Variants in NOS3 observed in about 807,000 individuals in gnomAD.
The protein encoded by NOS3 is NOS type III.
A neutral mutation model predicts 144.9 loss-of-function variants in NOS3; 98 were observed. That is an observed-to-expected ratio of 0.68 (90% CI 0.57 to 0.80). The LOEUF (loss-of-function observed/expected upper bound fraction) is 0.80. Ranked by LOEUF, NOS3 falls within the 30% of genes least tolerant of loss-of-function variation. The pLI is 0.00. For missense variants in NOS3, 1,465 were observed against 1,656.4 expected, an observed-to-expected ratio of 0.88 and a Z score of 2.01; for synonymous variants, 714 against 702.4, an observed-to-expected ratio of 1.02 and a Z score of -0.26.
rs1338022204 is a variant in NOS3 at position 151,006,976 on chromosome 7, A to C, written c.1908A>C (p.Thr636=). 1.2e-6 allele frequency: 2 copies of C among 1,614,148 alleles called. No individual in the cohort carries two copies. The highest frequency in any genetic ancestry group is 1.7e-6 in the Non-Finnish European group (2 of 1,180,000). ...WRRKRKESSN[T]DSAGALGTLR... ...GGAAGAGGAAGGAGTCCAGTAACAC[A>C]GACAGTGCAGGGGCCCTGGGCACCC... The change falls in exon 16 of 27, where the codon ACA becomes ACC. Residue 636 remains threonine (T), a synonymous_variant. Transcript: ENST00000297494.
At position 150,999,208 on chromosome 7, in the gene NOS3, C is replaced by T; in HGVS notation, c.975C>T (p.Ala325=). 6.2e-7 allele frequency: 1 copy of T among 1,609,760 alleles called. No homozygotes were observed. The highest frequency in any genetic ancestry group is 8.5e-7 in the Non-Finnish European group (1 of 1,178,794). The part of the protein sequence containing the change: ...LEHPTLEWFA[A]LGLRWYALPA... ...CCCCCAGGCTGGAGTGGTTTGCAGC[C>T]CTGGGCCTGCGCTGGTACGCCCTCC... is the stretch of plus-strand genomic sequence containing the variant. Residue 325 remains alanine, a synonymous_variant, in exon 9 of 27, where the codon GCC becomes GCT. Transcript: ENST00000297494.
rs370745212 is a variant in NOS3, at chr7:151,000,581, C to G, written c.1215C>G (p.Ala405=). 9.9e-6 allele frequency: 16 copies of G among 1,612,514 alleles called. No homozygotes were observed. Among genetic ancestry groups the G allele is most frequent in the African/African-American group, 6.7e-5 (5 of 74,906 alleles). The change falls in exon 10 of 27, where the codon GCC becomes GCG. Residue 405 remains alanine, a synonymous_variant. Coordinates refer to ENST00000297494, the MANE Select transcript of NOS3 (RefSeq NM_000603.5). ...KDKAAVEINV[A]VLHSYQLAKV... ...AGGCAGCAGTGGAAATCAACGTGGC[C>G]GTGCTGCACAGTTACCAGGTGCAGA...
At chr7:151,008,427 G>A (rs1795238964) in intron 17 of NOS3, among the ~76,000 whole-genome samples, 1 of 152,186 alleles carries the variant, frequency 6.6e-6, no homozygotes, top group Admixed American at 6.5e-5. Context: ...GATCTGCCCC[G>A]TGGGGTCCCC....
rs772146460 is a variant in NOS3, at chr7:150,999,234, C to T, written c.1001C>T (p.Pro334Leu). 12 of 1,611,592 alleles carry T rather than the reference C, an allele frequency of 7.4e-6. No homozygotes were observed. The highest frequency in any genetic ancestry group is 2.7e-5 in the African/African-American group (2 of 74,904). ...AALGLRWYAL[P>L]AVSNMLLEIG... ...CTGGGCCTGCGCTGGTACGCCCTCCCGGCAGTGTCCAACATGCTGCTGGAA... is the reference window on the plus strand; with the variant it reads ...CTGGGCCTGCGCTGGTACGCCCTCCTGGCAGTGTCCAACATGCTGCTGGAA... Residue 334 changes from proline (P) to leucine (L), a missense_variant, in exon 9 of 27, where the codon CCG becomes CTG. Coordinates refer to ENST00000297494, the MANE Select transcript of NOS3 (RefSeq NM_000603.5).
In NOS3 at chr7:151,001,228, C is replaced by A; in HGVS notation, c.1234-3C>A. ...AGCCTCTCCCCCTCTCTCTCCCTTC[C>A]AGCTAGCCAAAGTCACCATCGTGGA... On this transcript the variant is annotated splice_polypyrimidine_tract_variant and splice_region_variant and intron_variant, in intron 10 of 26. Coordinates refer to ENST00000297494, the MANE Select transcript of NOS3 (RefSeq NM_000603.5). 6.2e-7 allele frequency: 1 copy of A among 1,612,748 alleles called. No homozygotes were observed. The highest frequency in any genetic ancestry group is 1.7e-4 in the Middle Eastern group (1 of 6,012).
At chr7:151,012,305 G>T in intron 23 of NOS3, 46 bp from the exon 24 acceptor site, 1 of 1,518,226 alleles carries the variant, frequency 6.6e-7, no homozygotes, top group South Asian at 1.2e-5. Context: ...GAGAATGGTG[G>T]AGCAGGAAAG....
In NOS3 at chr7:151,009,079, C is replaced by T. The variant is rs780507757; in HGVS notation, c.2245+17C>T. 18 of 1,612,906 alleles carry T rather than the reference C, an allele frequency of 1.1e-5. No individual in the cohort carries two copies. The Admixed American group carries it at 2.5e-4, about 22-fold the overall frequency. On this transcript the variant is annotated intron_variant, in intron 18 of 26. Transcript: ENST00000297494. ...TGCTGCCAGGTGGGCCCTGCCCTCA[C>T]CCTAACCCGGCTGGTTCTCTGAGGC... is the stretch of plus-strand genomic sequence containing the variant.
rs906557934 is a variant in NOS3, at chr7:151,003,345, C to G, written c.1752+1041C>G. 2.1e-6 allele frequency: 2 copies of G among 949,690 alleles called. No individual in the cohort carries two copies. Among genetic ancestry groups the G allele is most frequent in the African/African-American group, 3.4e-5 (2 of 59,338 alleles). The allele number at this position is 949,690 out of a possible 1,614,324, so 58.8% of individuals were successfully genotyped here. On this transcript the variant is annotated intron_variant, in intron 14 of 26. Transcript: ENST00000297494. This position sits in a 1 kb window ranked among gnomAD's most constrained non-coding sequence, Gnocchi z 4.1. ...TTCGCCATGTTGCCCAGGCTGGTCTCTAACTCCTGGGTTCAAGCAATCCAC... is the reference window on the plus strand; with the variant it reads ...TTCGCCATGTTGCCCAGGCTGGTCTGTAACTCCTGGGTTCAAGCAATCCAC...
At position 150,998,654 on chromosome 7, in the gene NOS3, G is replaced by T; in HGVS notation, c.790G>T (p.Asp264Tyr). ...YRQQDGSVRG[D>Y]PANVEITELC... The stretch of plus-strand genomic sequence containing the variant: ...GCAGCAGGATGGCTCTGTGCGGGGG[G>T]ACCCAGCCAACGTGGAGATCACCGA... The change falls in exon 7 of 27, where the codon GAC (aspartate) becomes TAC (tyrosine). Residue 264 changes from aspartate (D) to tyrosine (Y), a missense_variant. Asp to Tyr is a radical substitution (Grantham distance 160). Transcript: ENST00000297494. The surrounding 1 kb of genome is among the most constrained non-coding windows in gnomAD (Gnocchi z 5.0). 1 of 1,608,116 alleles carries T rather than the reference G, an allele frequency of 6.2e-7. No homozygotes were observed. The highest frequency in any genetic ancestry group is 8.5e-7 in the Non-Finnish European group (1 of 1,178,590).
chr7:150,999,435 C>T (rs1169992847), intron 9 of NOS3, 71 bp downstream of exon 9: 2 of 1,463,184 alleles, frequency 1.4e-6, no homozygotes, highest in African/African-American at 2.8e-5. Flanking sequence ...TCACTCCATC[C>T]CCAAAATGCC....
Position 151,011,451 on chromosome 7 carries a change from G to A in NOS3, c.2984+465G>A, listed in dbSNP as rs1356022002. 2.7e-5 allele frequency among the ~76,000 whole-genome samples: 4 copies of A among 147,874 alleles called. 1 individual carries two copies. In the South Asian group the frequency reaches 6.5e-4, roughly 24 times the overall value. Reference sequence around the variant, plus strand: ...CCCAGAGATGGAGTCTTGCTCTGTCGCCCAGGCTGGAGTGCAGTGGTACGA... The same window carrying A: ...CCCAGAGATGGAGTCTTGCTCTGTCACCCAGGCTGGAGTGCAGTGGTACGA... On this transcript the variant is annotated intron_variant, in intron 23 of 26. Transcript: ENST00000297494.
rs781665959 is a variant in NOS3, at chr7:151,001,335, C to T, written c.1338C>T (p.Ala446=). 1 of 1,613,596 alleles carries T rather than the reference C, an allele frequency of 6.2e-7. No homozygotes were observed. The highest frequency in any genetic ancestry group is 1.7e-5 in the Admixed American group (1 of 59,996). ...GGGGGGGCTGCCCTGCAGACTGGGCCTGGATCGTGCCCCCCATCTCGGGCA... is the reference window on the plus strand; with the variant it reads ...GGGGGGGCTGCCCTGCAGACTGGGCTTGGATCGTGCCCCCCATCTCGGGCA... ...KARGGCPADW[A]WIVPPISGSL... Residue 446 remains alanine (A), a synonymous_variant, in exon 11 of 27, where the codon GCC becomes GCT. Transcript: ENST00000297494.
intron 21 of NOS3, 117 bp downstream of exon 21, chr7:151,010,404 A>C: frequency 9.2e-7 from 1 of 1,087,948 alleles, no homozygotes; most frequent in Non-Finnish European, 1.3e-6. Flanking sequence ...CCTGGCCGAC[A>C]TGCACTGGTG....
chr7:150,994,109 A>T, intron 2 of NOS3, 148 bp downstream of exon 2: 1 of 862,516 alleles, frequency 1.2e-6, no homozygotes, highest in South Asian at 1.7e-5. Context: ...AGAACAGGAC[A>T]GTCTGGGAGG....
rs1795165560 is a variant in NOS3 at position 151,003,825 on chromosome 7, C to T, written c.1752+1521C>T. On this transcript the variant is annotated intron_variant, in intron 14 of 26. Transcript: ENST00000297494. The surrounding 1 kb of genome is among the most constrained non-coding windows in gnomAD (Gnocchi z 4.1). ...TTTCACTCATTCTGCTGCTGAGTGC[C>T]GTTCATTGTGTGAATATCCCCAGTT... 3 of 435,402 alleles carry T rather than the reference C, an allele frequency of 6.9e-6. No individual in the cohort carries two copies. The highest frequency in any genetic ancestry group is 1.7e-5 in the South Asian group (1 of 60,336). The allele number at this position is 435,402 out of a possible 1,614,324, so 27.0% of individuals were successfully genotyped here. A position where few individuals can be genotyped will look rare whatever the true frequency, so the allele number is the denominator to read the frequency against.
chr7:150,997,012 G>A, intron 5 of NOS3, 87 bp downstream of exon 5: 1 of 1,427,300 alleles, frequency 7.0e-7, no homozygotes, highest in Non-Finnish European at 9.4e-7. Context: ...CCCGGGGGCT[G>A]GGAGGTCCCA....
chr7:151,010,056 C>T lies in NOS3; in HGVS notation c.2513-59C>T, dbSNP rs1584911503. The T allele has an allele frequency of 4.7e-6, 5 of 1,070,396 alleles. No homozygotes were observed. In the Admixed American group the frequency reaches 5.8e-5, roughly 12 times the overall value. The allele number at this position is 1,070,396 out of a possible 1,614,324, so 66.3% of individuals were successfully genotyped here. A position where few individuals can be genotyped will look rare whatever the true frequency, so the allele number is the denominator to read the frequency against. ...ACAGTCACCAAAACACAAACATCAG[C>T]CCAGGTACTGCAGTCCTGCTGGGCC... On this transcript the variant is annotated intron_variant, in intron 20 of 26. Coordinates refer to ENST00000297494, the MANE Select transcript of NOS3 (RefSeq NM_000603.5).
rs1296448584 is a variant in NOS3, at chr7:150,993,081, T to C, written c.-51-672T>C. Among the ~76,000 whole-genome samples the C allele has an allele frequency of 6.6e-6, 1 of 152,182 alleles. No individual in the cohort carries two copies. On this transcript the variant is annotated intron_variant, in intron 1 of 26. Transcript: ENST00000297494. This position sits in a 1 kb window ranked among gnomAD's most constrained non-coding sequence, Gnocchi z 4.0. ...AATGACAGGGTGGGGGTGGAGGCAC[T>C]GGAAGGCAGCTTCCTGCTCTTTTGT...
intron 20 of NOS3, 88 bp downstream of exon 20, chr7:151,009,673 G>A (rs540311646): frequency 4.1e-6 from 5 of 1,206,302 alleles, no homozygotes; most frequent in Admixed American, 2.8e-5. Flanking sequence ...CTCAGGACCC[G>A]ACCCAGGGGG....
Sources: gnomAD v4.1 joint callset for allele counts (sites outside exome capture counted in the v4.1 genomes callset) on GRCh38, gnomAD v4.1.1 for gene constraint, Gnocchi (gnomAD v3.1) non-coding constraint, MANE v1.5 for transcripts, NCBI Gene and HGNC (gene_info 2026-07-23, HGNC 2026-07-21) for gene names.